Variants in EYA1 observed in about 807,000 individuals in gnomAD.
The protein encoded by EYA1 is protein phosphatase EYA1.
Under a neutral mutation model 82.0 loss-of-function variants are expected in EYA1, and 16 were observed. That is an observed-to-expected ratio of 0.20 (90% confidence interval 0.13 to 0.30). EYA1 has a LOEUF of 0.30. Ranked by LOEUF, EYA1 falls within the 10% of genes least tolerant of loss-of-function variation. The pLI is 1.00. For missense variants in EYA1, 633 were observed against 730.7 expected (o/e 0.87, Z 1.54); for synonymous variants, 261 against 264.4 (o/e 0.99, Z 0.12).
chr8:71,378,736 C>A (rs1346943923), intron 2 of EYA1, among the ~76,000 whole-genome samples: 1 of 152,062 alleles, frequency 6.6e-6, no homozygotes, highest in Non-Finnish European at 1.5e-5. Context: ...TCTTGGTCAA[C>A]CTTTTAGGAT....
intron 4 of EYA1, among the ~76,000 whole-genome samples, chr8:71,330,858 T>TGTGC (rs765401780): frequency 1.7e-4 from 25 of 148,222 alleles, no homozygotes; most frequent in Non-Finnish European, 2.7e-4. Flanking sequence ...TTCTTGTGTG[T>TGTGC]GTGTGTGTGT....
At chr8:71,332,669 T>A (rs1048966047) in intron 4 of EYA1, among the ~76,000 whole-genome samples, 2 of 152,172 alleles carry the variant, frequency 1.3e-5, no homozygotes, top group Non-Finnish European at 2.9e-5. Flanking sequence ...CCTATGAATA[T>A]GACCATGCGA....
At chr8:71,534,423 C>T (rs1325911275) in intron 2 of EYA1, among the ~76,000 whole-genome samples, 1 of 152,156 alleles carries the variant, frequency 6.6e-6, no homozygotes, top group African/African-American at 2.4e-5. Flanking sequence ...TTAGAATATC[C>T]ATAAAATACA....
chr8:71,300,040 T>C (rs997899831), intron 7 of EYA1, among the ~76,000 whole-genome samples: 4 of 152,214 alleles, frequency 2.6e-5, no homozygotes, highest in African/African-American at 9.6e-5. Flanking sequence ...TGTCTTTATA[T>C]TAAATTCACA....
intron 6 of EYA1, 35 bp from the exon 7 acceptor site, chr8:71,317,724 A>G (rs201310056): frequency 5.3e-5 from 86 of 1,610,634 alleles, no homozygotes; most frequent in Admixed American, 8.3e-5. Context: ...CTATCTGTCC[A>G]TTTTCAAAAG....
intron 11 of EYA1, among the ~76,000 whole-genome samples, chr8:71,256,291 T>A (rs1814405579): frequency 6.6e-6 from 1 of 152,138 alleles, no homozygotes; most frequent in South Asian, 2.1e-4. Context: ...CAGTCATAGG[T>A]GGAAGCAACT....
At chr8:71,277,851 T>C (rs1817381105) in intron 9 of EYA1, among the ~76,000 whole-genome samples, 1 of 152,214 alleles carries the variant, frequency 6.6e-6, no homozygotes, top group Non-Finnish European at 1.5e-5. Flanking sequence ...AGCAAAAATA[T>C]TTATAAATGA....
At chr8:71,349,773 C>G (rs1048824745) in intron 3 of EYA1, among the ~76,000 whole-genome samples, 1 of 152,136 alleles carries the variant, frequency 6.6e-6, no homozygotes, top group Non-Finnish European at 1.5e-5. Context: ...AGCTGGAATT[C>G]AAGCCCAGAC....
chr8:71,338,090 T>C (rs1027367981), intron 3 of EYA1, among the ~76,000 whole-genome samples: 21 of 148,874 alleles, frequency 1.4e-4, no homozygotes, highest in African/African-American at 5.5e-4. Context: ...TCTTAAGATA[T>C]AGATAACTGG....
intron 2 of EYA1, among the ~76,000 whole-genome samples, chr8:71,492,470 T>TTA (rs1554596375): frequency 1.1e-4 from 15 of 136,488 alleles, no homozygotes; most frequent in Admixed American, 2.1e-4. Context: ...TTATTATTAT[T>TTA]TTTTTTTTTT....
intron 2 of EYA1, among the ~76,000 whole-genome samples, chr8:71,496,088 G>A (rs935178776): frequency 6.6e-6 from 1 of 152,146 alleles, no homozygotes; most frequent in Admixed American, 6.5e-5. Flanking sequence ...CACAAATTCA[G>A]ACACTATGCC....
At chr8:71,208,844 G>A (rs1041582895) in intron 17 of EYA1, among the ~76,000 whole-genome samples, 1 of 152,110 alleles carries the variant, frequency 6.6e-6, no homozygotes, top group Non-Finnish European at 1.5e-5. Context: ...TCCATGTTGT[G>A]TTCACTGAAG....
At chr8:71,491,254 A>T (rs932025873) in intron 2 of EYA1, among the ~76,000 whole-genome samples, 8 of 152,016 alleles carry the variant, frequency 5.3e-5, no homozygotes, top group African/African-American at 1.4e-4. Context: ...TTATTTTTTT[A>T]AAAAAAGCAC....
At chr8:71,445,057 T>C (rs1806767710) in intron 2 of EYA1, among the ~76,000 whole-genome samples, 1 of 152,238 alleles carries the variant, frequency 6.6e-6, no homozygotes, top group Non-Finnish European at 1.5e-5. Context: ...TTTTTTTACA[T>C]TGCCACTAGT....
chr8:71,220,929 T>C (rs745448176), intron 12 of EYA1, among the ~76,000 whole-genome samples: 1 of 152,190 alleles, frequency 6.6e-6, no homozygotes, highest in Non-Finnish European at 1.5e-5. Context: ...AAGGAAGCAG[T>C]GGTCAAGTTA....
At chr8:71,209,866 T>TA (rs557328151) in intron 17 of EYA1, among the ~76,000 whole-genome samples, 84 of 152,278 alleles carry the variant, frequency 5.5e-4, no homozygotes, top group Middle Eastern at 3.4e-3. Context: ...TAGGGAGTTA[T>TA]AAAAAAATCT....
chr8:71,202,480 C>T (rs571674046), intron 17 of EYA1, among the ~76,000 whole-genome samples: 6 of 152,230 alleles, frequency 3.9e-5, no homozygotes, highest in African/African-American at 1.2e-4. Flanking sequence ...CACTAAAATA[C>T]GAATGGCTTT....
At chr8:71,248,589 G>C (rs543051592) in intron 11 of EYA1, among the ~76,000 whole-genome samples, 1 of 152,156 alleles carries the variant, frequency 6.6e-6, no homozygotes, top group Non-Finnish European at 1.5e-5. Context: ...TGATTTGTGC[G>C]TGATGACCCA....
chr8:71,300,023 T>C (rs1394521383), intron 7 of EYA1, among the ~76,000 whole-genome samples: 2 of 152,180 alleles, frequency 1.3e-5, no homozygotes, highest in South Asian at 2.1e-4. Context: ...CACACCAAGA[T>C]TTTTCATGTC....
Sources: gnomAD v4.1 joint callset for allele counts (sites outside exome capture counted in the v4.1 genomes callset) on GRCh38, gnomAD v4.1.1 for gene constraint, MANE v1.5 for transcripts, NCBI Gene and HGNC (gene_info 2026-07-23, HGNC 2026-07-21) for gene names.